POLR3B: variants seen among roughly 807,000 people sequenced by gnomAD.
POLR3B encodes RNA polymerase III subunit B, also known as DNA-directed RNA polymerase III subunit RPC2.
In POLR3B, 96 loss-of-function variants were observed where a neutral mutation model predicts 147.4. That is an observed-to-expected ratio of 0.65 (90% CI 0.55 to 0.77). The LOEUF is 0.77. Ranked by LOEUF, POLR3B falls within the 30% of genes least tolerant of loss-of-function variation. The probability of loss-of-function intolerance (pLI) is 0.00; values close to 1 mark genes in which losing one functional copy is unlikely to be tolerated. For synonymous variants in POLR3B, 461 were observed against 485.9 expected (o/e 0.95, Z 0.67); for missense variants, 1,036 against 1,413.5 (o/e 0.73, Z 4.28).
intron 19 of POLR3B, among the ~76,000 whole-genome samples, chr12:106,448,451 TTTTTTG>T (rs1407475164): frequency 3.7e-5 from 5 of 136,328 alleles, no homozygotes; most frequent in African/African-American, 1.4e-4. Flanking sequence ...TTTTTTTTTT[TTTTTTG>T]AGATGGAGTC....
At chr12:106,496,271 A>G (rs1045282194) in intron 24 of POLR3B, 113 bp downstream of exon 24, 3 of 768,656 alleles carry the variant, frequency 3.9e-6, no homozygotes, top group Non-Finnish European at 7.1e-6. Context: ...TTTCAGGTAG[A>G]GCTCTTCTGC....
intron 12 of POLR3B, among the ~76,000 whole-genome samples, chr12:106,426,856 C>A (rs1335088811): frequency 1.5e-5 from 1 of 67,824 alleles, no homozygotes; most frequent in Non-Finnish European, 3.3e-5. Flanking sequence ...CCCCCCCCCC[C>A]GTCCTTTTTG....
chr12:106,402,086 C>T (rs1258554828), intron 10 of POLR3B, among the ~76,000 whole-genome samples: 1 of 151,328 alleles, frequency 6.6e-6, no homozygotes, highest in Non-Finnish European at 1.5e-5. Flanking sequence ...CCAAAATCTC[C>T]TTAAGCTGAT....
chr12:106,420,786 A>AT (rs1322204749), intron 12 of POLR3B, among the ~76,000 whole-genome samples: 3 of 152,172 alleles, frequency 2.0e-5, no homozygotes, highest in African/African-American at 4.8e-5. Flanking sequence ...TAAATGTTAC[A>AT]TTTATATGTT....
At chr12:106,405,278 G>A (rs372623226) in intron 10 of POLR3B, among the ~76,000 whole-genome samples, 3 of 152,014 alleles carry the variant, frequency 2.0e-5, no homozygotes, top group Admixed American at 6.6e-5. Flanking sequence ...CCTGCTAAGC[G>A]TATAATGAAC....
At chr12:106,460,228 C>G (rs1280952764) in intron 22 of POLR3B, among the ~76,000 whole-genome samples, 1 of 152,102 alleles carries the variant, frequency 6.6e-6, no homozygotes, top group Non-Finnish European at 1.5e-5. Flanking sequence ...GGCAAAGACC[C>G]CCACACAAAA....
At chr12:106,440,122 A>G (rs950791939) in intron 18 of POLR3B, among the ~76,000 whole-genome samples, 4 of 152,154 alleles carry the variant, frequency 2.6e-5, no homozygotes, top group Non-Finnish European at 2.9e-5. Context: ...TAGTAGCCCC[A>G]TAAATGACAG....
intron 7 of POLR3B, among the ~76,000 whole-genome samples, chr12:106,377,509 A>G (rs2036697649): frequency 6.6e-6 from 1 of 152,224 alleles, no homozygotes; most frequent in Non-Finnish European, 1.5e-5. Flanking sequence ...ATACATGATG[A>G]TGCATGAGTT....
At position 106,459,316 on chromosome 12, in the gene POLR3B, T is replaced by C. The variant is rs2037905579; in HGVS notation, c.2518T>C (p.Leu840=). 1.9e-6 allele frequency: 3 copies of C among 1,609,836 alleles called. No individual in the cohort carries two copies. The highest frequency in any genetic ancestry group is 1.7e-5 in the Admixed American group (1 of 59,956). Residue 840 remains leucine, a synonymous_variant, in exon 22 of 28, where the codon TTG becomes CTG. Transcript: ENST00000228347. ...CATGCCCACAGTGACTCAGATTCCT[T>C]TGGAAGGAAGTAATGTACCACAGCA... is the stretch of plus-strand genomic sequence containing the variant. ...KSMPTVTQIP[L]EGSNVPQQPQ...
intron 23 of POLR3B, among the ~76,000 whole-genome samples, chr12:106,484,170 A>G (rs1044222517): frequency 2.6e-5 from 4 of 152,178 alleles, no homozygotes; most frequent in African/African-American, 9.7e-5. Flanking sequence ...GGGGCAGCAG[A>G]GAAGAGCAAA....
intron 6 of POLR3B, among the ~76,000 whole-genome samples, chr12:106,374,296 A>G (rs937938783): frequency 6.6e-6 from 1 of 152,102 alleles, no homozygotes; most frequent in African/African-American, 2.4e-5. Flanking sequence ...GGCTCACTGC[A>G]GCCTCAACCT....
chr12:106,509,399 G>A (rs747615877), intron 27 of POLR3B, 21 bp from the exon 28 acceptor site: 7 of 1,612,710 alleles, frequency 4.3e-6, no homozygotes, highest in Admixed American at 3.3e-5. Context: ...TCTGTCTAAC[G>A]CTTGCTGACT....
intron 10 of POLR3B, among the ~76,000 whole-genome samples, chr12:106,399,097 A>T (rs1362094107): frequency 6.6e-6 from 1 of 152,202 alleles, no homozygotes; most frequent in African/African-American, 2.4e-5. Flanking sequence ...AAATTAAATG[A>T]ATGGCTAACT....
At chr12:106,372,075 T>A (rs950259611) in intron 6 of POLR3B, among the ~76,000 whole-genome samples, 3 of 152,242 alleles carry the variant, frequency 2.0e-5, no homozygotes, top group East Asian at 1.9e-4. Context: ...GTCATTAGAA[T>A]GCTTATATGT....
chr12:106,402,060 AC>A (rs2037076445), intron 10 of POLR3B, among the ~76,000 whole-genome samples: 1 of 151,728 alleles, frequency 6.6e-6, no homozygotes, highest in Admixed American at 6.6e-5. Context: ...TATCTAGAAA[AC>A]CCCATCGTCT....
chr12:106,482,919 C>T (rs963256371), intron 23 of POLR3B, among the ~76,000 whole-genome samples: 2 of 152,114 alleles, frequency 1.3e-5, no homozygotes, highest in Non-Finnish European at 1.5e-5. Context: ...TTTATTCTTC[C>T]TAGTAAATAT....
At chr12:106,475,378 A>G (rs1221110239) in intron 23 of POLR3B, among the ~76,000 whole-genome samples, 5 of 97,184 alleles carry the variant, frequency 5.1e-5, no homozygotes, top group Admixed American at 2.0e-4. Context: ...GATGTCTATT[A>G]GGTCCGCTTG....
At chr12:106,444,376 C>G (rs1273624325) in intron 18 of POLR3B, 87 bp from the exon 19 acceptor site, 6 of 1,316,460 alleles carry the variant, frequency 4.6e-6, no homozygotes, top group Non-Finnish European at 6.6e-6. Context: ...CCTGGAGGAC[C>G]TAGATAACAA....
Position 106,357,777 on chromosome 12 carries a change from G to A in POLR3B, c.-103G>A. The A allele has an allele frequency of 1.7e-6, 2 of 1,179,542 alleles. No individual in the cohort carries two copies. Among genetic ancestry groups the A allele is most frequent in the South Asian group, 1.3e-5 (1 of 76,562 alleles). The allele number at this position is 1,179,542 out of a possible 1,614,324, so 73.1% of individuals were successfully genotyped here. A position where few individuals can be genotyped will look rare whatever the true frequency, so the allele number is the denominator to read the frequency against. On this transcript the variant is annotated 5_prime_UTR_variant, in exon 1 of 28. Transcript: ENST00000228347. ...CTAGCTAACACGCACGGCGGGGACAGTTTAGGCCTCCGCGCACCGTTCGCC... is the reference window on the plus strand; with the variant it reads ...CTAGCTAACACGCACGGCGGGGACAATTTAGGCCTCCGCGCACCGTTCGCC...
Sources: allele counts gnomAD v4.1 joint callset (sites outside exome capture counted in the v4.1 genomes callset), GRCh38; gene constraint gnomAD v4.1.1; transcripts MANE v1.5; gene names NCBI Gene and HGNC (gene_info 2026-07-23, HGNC 2026-07-21).